The following SCAI variants were observed in gnomAD, a reference collection of about 807,000 sequenced individuals.
SCAI encodes the protein protein SCAI.
In SCAI, 24 loss-of-function variants were observed where a neutral mutation model predicts 92.2. The ratio of observed to expected loss-of-function variants is 0.26; its 90% CI spans 0.19 to 0.37. The LOEUF (loss-of-function observed/expected upper bound fraction) is 0.37. Ranked by LOEUF, SCAI falls within the 10% of genes least tolerant of loss-of-function variation. The pLI is 1.00. For synonymous variants in SCAI, 261 were observed against 258.6 expected (o/e 1.01, Z -0.09); for missense variants, 450 against 736.2 (o/e 0.61, Z 4.50).
At chr9:124,963,813 T>C (rs2131581294) in intron 17 of SCAI, among the ~76,000 whole-genome samples, 1 of 133,292 alleles carries the variant, frequency 7.5e-6, no homozygotes, top group East Asian at 2.2e-4. Flanking sequence ...AAGAGAAATA[T>C]ATTTACTATT....
intron 17 of SCAI, chr9:124,971,151 C>G (rs1434368247): frequency 3.3e-6 from 1 of 303,184 alleles, no homozygotes; most frequent in African/African-American, 2.2e-5. Context: ...GATAGGTACT[C>G]AAATGTGCCT....
At chr9:125,014,041 GAGCT>G (rs1832696737) in intron 9 of SCAI, among the ~76,000 whole-genome samples, 1 of 151,106 alleles carries the variant, frequency 6.6e-6, no homozygotes, top group Non-Finnish European at 1.5e-5. Flanking sequence ...AAAATAATAA[GAGCT>G]ATCTATGACA....
intron 3 of SCAI, among the ~76,000 whole-genome samples, chr9:125,050,217 T>C (rs1186676684): frequency 1.3e-5 from 2 of 152,050 alleles, no homozygotes; most frequent in Non-Finnish European, 2.9e-5. Flanking sequence ...CCACTACCAA[T>C]ACATTTCTTC....
At chr9:125,107,387 G>A (rs1272909490) in intron 2 of SCAI, among the ~76,000 whole-genome samples, 2 of 145,986 alleles carry the variant, frequency 1.4e-5, no homozygotes, top group Admixed American at 6.9e-5. Context: ...CCAGCCTGGC[G>A]ACAGAGGGAG....
chr9:125,012,293 C>T (rs1325652988), intron 9 of SCAI, among the ~76,000 whole-genome samples: 2 of 152,188 alleles, frequency 1.3e-5, no homozygotes, highest in East Asian at 3.9e-4. Flanking sequence ...ACCCATCTCA[C>T]GTGCAGAGAC....
At chr9:125,061,157 C>A (rs1352594807) in intron 2 of SCAI, among the ~76,000 whole-genome samples, 1 of 152,104 alleles carries the variant, frequency 6.6e-6, no homozygotes, top group Non-Finnish European at 1.5e-5. Context: ...ATTAGCTGGG[C>A]GTGGTGGCGG....
chr9:125,018,747 A>G (rs2131070537), intron 9 of SCAI, 52 bp downstream of exon 9: 3 of 1,430,068 alleles, frequency 2.1e-6, no homozygotes, highest in Non-Finnish European at 2.9e-6. Context: ...GATCATCAAT[A>G]GCACTATTTT....
intron 2 of SCAI, among the ~76,000 whole-genome samples, chr9:125,107,883 C>T (rs1588228387): frequency 3.9e-5 from 6 of 152,310 alleles, no homozygotes; most frequent in South Asian, 2.1e-4. Context: ...TGATGCCGAG[C>T]GGAAGCTGGA....
rs868285468 is a variant in SCAI at position 125,114,246 on chromosome 9, C to T, written c.98+28387G>A. 1.2e-4 allele frequency among the ~76,000 whole-genome samples: 19 copies of T among 152,030 alleles called. 1 individual carries two copies. The South Asian group carries it at 1.5e-3, about 12-fold the overall frequency. ...CTTGGTGAAGCTGGTTGTTAGTAGT[C>T]GCTGGCATAAAAAATAAATGCTATG... On this transcript the variant is annotated intron_variant, in intron 2 of 17. Transcript: ENST00000336505.
intron 14 of SCAI, among the ~76,000 whole-genome samples, chr9:124,990,714 A>G (rs1263073029): frequency 6.6e-6 from 1 of 152,208 alleles, no homozygotes; most frequent in African/African-American, 2.4e-5. Context: ...GAAGGAAAAA[A>G]GAAAAAAGAA....
At chr9:125,019,465 A>G (rs1291088679) in intron 7 of SCAI, among the ~76,000 whole-genome samples, 1 of 152,150 alleles carries the variant, frequency 6.6e-6, no homozygotes, top group Non-Finnish European at 1.5e-5. Flanking sequence ...GAATTCATTA[A>G]TGAAAGAATC....
intron 17 of SCAI, among the ~76,000 whole-genome samples, chr9:124,962,440 T>C (rs7032550): frequency 0.027 from 4,072 of 152,024 alleles, 201 homozygotes; most frequent in African/African-American, 0.091. Flanking sequence ...GGATTACAGG[T>C]GTGAGCTACT....
rs1304632870 is a variant in SCAI, at chr9:124,944,229, TAGA to T, written c.*8575_*8577del. ...GTTCTAGATTATTGTACTGAACCAT[TAGA>T]AGGTCTTTTTAATGATACAGTAACA... On this transcript the variant is annotated 3_prime_UTR_variant, in exon 18 of 18. Coordinates refer to ENST00000336505, the MANE Select transcript of SCAI (RefSeq NM_001144877.3). 2.0e-5 allele frequency: 3 copies of T among 151,940 alleles called. No homozygotes were observed. Among genetic ancestry groups the T allele is most frequent in the South Asian group, 4.1e-4 (2 of 4,820 alleles). 9.4% of individuals were successfully genotyped at this position (151,940 alleles called of 1,614,324 possible).
intron 2 of SCAI, among the ~76,000 whole-genome samples, chr9:125,121,292 G>A (rs1037761076): frequency 2.0e-5 from 3 of 148,250 alleles, no homozygotes; most frequent in Non-Finnish European, 4.5e-5. Flanking sequence ...GATGACATAC[G>A]AGATGCTGGA....
At chr9:125,142,018 C>T (rs1588261537) in intron 2 of SCAI, among the ~76,000 whole-genome samples, 2 of 152,298 alleles carry the variant, frequency 1.3e-5, no homozygotes, top group East Asian at 3.9e-4. Context: ...GCAGCCTTGA[C>T]TTCCTGGGCT....
intron 2 of SCAI, among the ~76,000 whole-genome samples, chr9:125,126,422 T>A (rs7034599): frequency 0.26 from 36,375 of 142,540 alleles, 4,769 homozygotes; most frequent in East Asian, 0.33. Context: ...TGTGTGTGTG[T>A]GAGAGAGAGA....
intron 9 of SCAI, among the ~76,000 whole-genome samples, chr9:125,003,992 A>G (rs1315072371): frequency 6.6e-6 from 1 of 152,120 alleles, no homozygotes; most frequent in Non-Finnish European, 1.5e-5. Flanking sequence ...CCTGGCCAAC[A>G]TGGTGAAACC....
At chr9:125,084,158 C>CCTTTTTT (rs1224570781) in intron 2 of SCAI, among the ~76,000 whole-genome samples, 6 of 65,138 alleles carry the variant, frequency 9.2e-5, no homozygotes, top group African/African-American at 3.9e-4. Flanking sequence ...TTGGCTGCTG[C>CCTTTTTT]TTTTTTTTTT....
At chr9:125,030,763 T>C (rs925583340) in intron 3 of SCAI, among the ~76,000 whole-genome samples, 2 of 152,164 alleles carry the variant, frequency 1.3e-5, no homozygotes, top group Non-Finnish European at 2.9e-5. Context: ...ACAAAGAGGT[T>C]GGGAAACAGT....
Sources: gnomAD v4.1 joint callset for allele counts (sites outside exome capture counted in the v4.1 genomes callset) on GRCh38, gnomAD v4.1.1 for gene constraint, MANE v1.5 for transcripts, NCBI Gene and HGNC (gene_info 2026-07-23, HGNC 2026-07-21) for gene names.